Variants in NCAM2 observed in about 807,000 individuals in gnomAD.
NCAM2 encodes the protein N-CAM-2.
Under a neutral mutation model 98.1 loss-of-function variants are expected in NCAM2, and 30 were observed. That is an observed-to-expected ratio of 0.31 (90% CI 0.23 to 0.41). The LOEUF is 0.41. NCAM2 is among the 10% of genes least tolerant of loss of function. The pLI is 1.00. For synonymous variants in NCAM2, 368 were observed against 342.4 expected, an observed-to-expected ratio of 1.07 and a Z score of -0.83; for missense variants, 867 against 1,005.8, an observed-to-expected ratio of 0.86 and a Z score of 1.87.
intron 1 of NCAM2, among the ~76,000 whole-genome samples, chr21:21,219,399 A>T (rs1461721179): frequency 1.3e-5 from 2 of 152,188 alleles, no homozygotes; most frequent in African/African-American, 2.4e-5. Context: ...CAGTCACATG[A>T]CAGTGTTTTA....
intron 1 of NCAM2, among the ~76,000 whole-genome samples, chr21:21,099,602 C>G (rs1239532509): frequency 6.6e-6 from 1 of 151,858 alleles, no homozygotes; most frequent in Non-Finnish European, 1.5e-5. Context: ...ATTCAATTAC[C>G]TCTCACAGGC....
intron 8 of NCAM2, among the ~76,000 whole-genome samples, chr21:21,346,013 A>C (rs2075176776): frequency 6.6e-6 from 1 of 152,062 alleles, no homozygotes; most frequent in Non-Finnish European, 1.5e-5. Flanking sequence ...CCAGAAAACA[A>C]CAAAATGGTA....
chr21:21,077,822 G>T (rs2065710668), intron 1 of NCAM2, among the ~76,000 whole-genome samples: 1 of 151,874 alleles, frequency 6.6e-6, no homozygotes, highest in African/African-American at 2.4e-5. Context: ...TCATTTATTG[G>T]CACATTATTT....
Position 21,186,397 on chromosome 21 carries a change from A to T in NCAM2, c.56-94181A>T, listed in dbSNP as rs113167780. 4.0e-3 allele frequency among the ~76,000 whole-genome samples: 616 copies of T among 152,268 alleles called. 10 individuals carry two copies. The highest frequency in any genetic ancestry group is 0.014 in the African/African-American group (590 of 41,568). On this transcript the variant is annotated intron_variant, in intron 1 of 17. Coordinates refer to ENST00000400546, the MANE Select transcript of NCAM2 (RefSeq NM_004540.5). ...AACAAAATAAAAGAAAATCTAAGAT[A>T]TTATGGATTCTATGGCATCTAATTA...
chr21:21,491,656 G>A (rs1012065188), intron 15 of NCAM2, among the ~76,000 whole-genome samples: 10 of 151,534 alleles, frequency 6.6e-5, no homozygotes, highest in Non-Finnish European at 1.0e-4. Context: ...ATGAAATGAT[G>A]CCAAAATTCA....
At chr21:21,431,174 A>G (rs1207698772) in intron 11 of NCAM2, among the ~76,000 whole-genome samples, 1 of 123,918 alleles carries the variant, frequency 8.1e-6, no homozygotes, top group Admixed American at 8.1e-5. Context: ...CCCTCTCTGA[A>G]AAAAAATTAT....
intron 1 of NCAM2, among the ~76,000 whole-genome samples, chr21:21,202,424 T>TG (rs1470830788): frequency 6.9e-6 from 1 of 145,304 alleles, no homozygotes; most frequent in African/African-American, 2.5e-5. Flanking sequence ...TTTTTTTTTT[T>TG]TTTTTTTCTG....
rs754504676 is a variant in NCAM2, at chr21:21,011,261, T to A, written c.55+12643T>A. 2.0e-5 allele frequency among the ~76,000 whole-genome samples: 3 copies of A among 152,074 alleles called. No homozygotes were observed. The South Asian group carries it at 6.2e-4, about 31-fold the overall frequency. ...TGAGGGAACTGATTTTCATAAAAGA[T>A]ATGTAGCATCTAATAAGGGAAGGAT... On this transcript the variant is annotated intron_variant, in intron 1 of 17. Transcript: ENST00000400546.
At chr21:21,125,803 T>G (rs544537288) in intron 1 of NCAM2, among the ~76,000 whole-genome samples, 1 of 150,236 alleles carries the variant, frequency 6.7e-6, no homozygotes, top group Admixed American at 6.7e-5. Flanking sequence ...ATTGTTAAAA[T>G]TGAATGGATT....
intron 1 of NCAM2, among the ~76,000 whole-genome samples, chr21:21,046,793 G>A (rs1033076387): frequency 6.6e-6 from 1 of 152,024 alleles, no homozygotes; most frequent in Non-Finnish European, 1.5e-5. Context: ...AAGGACATGA[G>A]CAAAAGTAAA....
At chr21:21,343,419 GGT>G (rs959429148) in intron 8 of NCAM2, among the ~76,000 whole-genome samples, 67 of 149,690 alleles carry the variant, frequency 4.5e-4, no homozygotes, top group African/African-American at 1.5e-3. Flanking sequence ...CCGAAAATCA[GGT>G]GAACAGTTGT....
chr21:21,282,570 A>G (rs2072966000), intron 2 of NCAM2, among the ~76,000 whole-genome samples: 2 of 151,724 alleles, frequency 1.3e-5, no homozygotes, highest in Admixed American at 1.3e-4. Flanking sequence ...GTATTTTTCT[A>G]CTACAATGCT....
chr21:21,106,401 A>C (rs2066350691), intron 1 of NCAM2, among the ~76,000 whole-genome samples: 3 of 146,374 alleles, frequency 2.0e-5, no homozygotes, highest in African/African-American at 7.8e-5. Context: ...ATTTTTCTTT[A>C]TTTAGAGATT....
intron 9 of NCAM2, among the ~76,000 whole-genome samples, chr21:21,376,957 A>G (rs2076046720): frequency 6.6e-6 from 1 of 151,734 alleles, no homozygotes; most frequent in Non-Finnish European, 1.5e-5. Flanking sequence ...AGATTAATAT[A>G]CATTGAAAAA....
intron 15 of NCAM2, among the ~76,000 whole-genome samples, chr21:21,493,038 G>T (rs1213486328): frequency 1.3e-5 from 2 of 151,932 alleles, no homozygotes; most frequent in South Asian, 4.2e-4. Context: ...AGTGCATGTT[G>T]GCAGAAAACA....
At chr21:21,024,979 G>A (rs1293505194) in intron 1 of NCAM2, among the ~76,000 whole-genome samples, 1 of 151,878 alleles carries the variant, frequency 6.6e-6, no homozygotes, top group Non-Finnish European at 1.5e-5. Context: ...AATTTTATGT[G>A]CTTTAAAAGT....
chr21:21,049,123 A>G (rs1251752405), intron 1 of NCAM2, among the ~76,000 whole-genome samples: 1 of 86,204 alleles, frequency 1.2e-5, no homozygotes, highest in African/African-American at 4.7e-5. Context: ...GGTTCACGCC[A>G]TTCTCCTGCC....
At chr21:21,457,922 C>T (rs1982393873) in intron 12 of NCAM2, among the ~76,000 whole-genome samples, 1 of 152,078 alleles carries the variant, frequency 6.6e-6, no homozygotes, top group Non-Finnish European at 1.5e-5. Flanking sequence ...AAGGGTTTGG[C>T]CAGGAGGACA....
intron 16 of NCAM2, among the ~76,000 whole-genome samples, chr21:21,514,247 G>A (rs1173429821): frequency 1.3e-5 from 2 of 150,480 alleles, no homozygotes; most frequent in African/African-American, 2.4e-5. Context: ...AGGCTGAGGC[G>A]GGTGGATCAC....
Sources: allele counts gnomAD v4.1 joint callset (sites outside exome capture counted in the v4.1 genomes callset), GRCh38; gene constraint gnomAD v4.1.1; transcripts MANE v1.5; gene names NCBI Gene and HGNC (gene_info 2026-07-23, HGNC 2026-07-21).